The following AOAH variants were observed in gnomAD, a reference collection of about 807,000 sequenced individuals.
AOAH encodes the protein acyloxyacyl hydrolase (neutrophil).
A neutral mutation model predicts 92.2 loss-of-function variants in AOAH; 64 were observed. That is an observed-to-expected ratio of 0.69 (90% CI 0.57 to 0.86). The LOEUF is 0.86. Among genes scored for constraint, AOAH ranks in the 40% least tolerant of loss-of-function variants. The pLI is 0.00. For synonymous variants in AOAH, 263 were observed against 254.5 expected (o/e 1.03, Z -0.32); for missense variants, 656 against 694.6 (o/e 0.94, Z 0.62).
At chr7:36,569,240 C>T (rs1460509554) in intron 13 of AOAH, among the ~76,000 whole-genome samples, 1 of 152,068 alleles carries the variant, frequency 6.6e-6, no homozygotes, top group Admixed American at 6.5e-5. Flanking sequence ...GCTAAGCTTG[C>T]TAAAACAAAA....
rs142257555 is a variant in AOAH, at chr7:36,569,281, T to C, written c.1021+7293A>G. 3.3e-3 allele frequency among the ~76,000 whole-genome samples: 506 copies of C among 152,254 alleles called. 1 individual carries two copies. The highest frequency in any genetic ancestry group is 4.9e-3 in the Non-Finnish European group (332 of 68,018). On this transcript the variant is annotated intron_variant, in intron 13 of 20. Transcript: ENST00000617537. ...AAGGCTGCCAGTGAAAAAGACATTATATTCCAAGTGAGGAAAGTCTTGTCT... is the reference window on the plus strand; with the variant it reads ...AAGGCTGCCAGTGAAAAAGACATTACATTCCAAGTGAGGAAAGTCTTGTCT...
chr7:36,521,665 CCTTTT>C (rs1177867358), intron 20 of AOAH, among the ~76,000 whole-genome samples: 1 of 151,952 alleles, frequency 6.6e-6, no homozygotes, highest in Non-Finnish European at 1.5e-5. Flanking sequence ...TCATTTTCCT[CCTTTT>C]CTTTCTTCCT....
rs191126566 is a variant in AOAH, at chr7:36,648,083, C to T, written c.391-10173G>A. Among the ~76,000 whole-genome samples the T allele has an allele frequency of 6.5e-3, 989 of 152,160 alleles. 23 individuals are homozygous for T. Among genetic ancestry groups the T allele is most frequent in the Admixed American group, 0.057 (871 of 15,290 alleles). ...CTGACCTCAGGTGATCCTCCCGCCT[C>T]GACCTCCCAAAGTGCTGGGATTACA... On this transcript the variant is annotated intron_variant, in intron 4 of 20. Transcript: ENST00000617537.
intron 12 of AOAH, among the ~76,000 whole-genome samples, chr7:36,586,160 C>G (rs909703600): frequency 3.3e-5 from 5 of 152,068 alleles, no homozygotes; most frequent in African/African-American, 9.7e-5. Context: ...CCTATCAATA[C>G]AAGTATGCTG....
At chr7:36,535,114 CTG>C (rs1234210435) in intron 16 of AOAH, among the ~76,000 whole-genome samples, 2 of 138,164 alleles carry the variant, frequency 1.4e-5, no homozygotes, top group Non-Finnish European at 3.2e-5. Context: ...GTGTCTGTGT[CTG>C]TGTGTGTATG....
At chr7:36,530,350 C>T in intron 19 of AOAH, 68 bp downstream of exon 19, 1 of 1,142,992 alleles carries the variant, frequency 8.7e-7, no homozygotes, top group Non-Finnish European at 1.3e-6. Context: ...AAGTATAAAA[C>T]CAGTTGCCCA....
chr7:36,542,767 C>T (rs1021195112), intron 15 of AOAH, among the ~76,000 whole-genome samples: 1 of 152,126 alleles, frequency 6.6e-6, no homozygotes, highest in African/African-American at 2.4e-5. Flanking sequence ...ATGGTACACC[C>T]ATGCAATAGA....
chr7:36,515,624 A>AC (rs1190721124), intron 20 of AOAH, among the ~76,000 whole-genome samples: 6 of 99,582 alleles, frequency 6.0e-5, no homozygotes, highest in African/African-American at 8.1e-5. Flanking sequence ...CCACACACAT[A>AC]ATCACACACA....
intron 1 of AOAH, among the ~76,000 whole-genome samples, chr7:36,696,312 C>T (rs936164639): frequency 2.0e-5 from 3 of 152,280 alleles, no homozygotes; most frequent in Middle Eastern, 3.4e-3. Flanking sequence ...TCTACAAAAA[C>T]TCCTATTAGG....
chr7:36,596,081 T>C (rs193293788), intron 11 of AOAH, among the ~76,000 whole-genome samples: 221 of 152,336 alleles, frequency 1.5e-3, no homozygotes, highest in African/African-American at 5.0e-3. Flanking sequence ...AAGTATGTCA[T>C]TGTTCTTTCT....
chr7:36,678,526 C>T (rs1177782954), intron 2 of AOAH, among the ~76,000 whole-genome samples: 2 of 146,948 alleles, frequency 1.4e-5, no homozygotes, highest in African/African-American at 5.0e-5. Flanking sequence ...AGAGAAAATT[C>T]ATCTTCTTTC....
intron 13 of AOAH, among the ~76,000 whole-genome samples, chr7:36,574,772 A>G (rs1039823003): frequency 3.9e-5 from 6 of 152,212 alleles, no homozygotes; most frequent in African/African-American, 9.7e-5. Flanking sequence ...AGAAAAGCGG[A>G]AAAAAATGAA....
chr7:36,569,496 T>TCTATCTATCTATCTAC (rs1554288999), intron 13 of AOAH, among the ~76,000 whole-genome samples: 8 of 151,762 alleles, frequency 5.3e-5, no homozygotes, highest in Non-Finnish European at 7.4e-5. Flanking sequence ...TATCTATCTA[T>TCTATCTATCTATCTAC]CTATCTATCT....
At chr7:36,626,405 T>C (rs1792668576) in intron 6 of AOAH, among the ~76,000 whole-genome samples, 1 of 152,212 alleles carries the variant, frequency 6.6e-6, no homozygotes, top group Admixed American at 6.5e-5. Context: ...CTGCTTACTT[T>C]AAAGGCCCCA....
intron 19 of AOAH, among the ~76,000 whole-genome samples, chr7:36,529,467 GT>G (rs1308284721): frequency 1.3e-5 from 2 of 152,168 alleles, no homozygotes; most frequent in African/African-American, 4.8e-5. Context: ...GACCAGTCTT[GT>G]TGAAAGGATG....
chr7:36,706,248 C>T (rs1307955724), intron 1 of AOAH, among the ~76,000 whole-genome samples: 1 of 152,226 alleles, frequency 6.6e-6, no homozygotes, highest in Non-Finnish European at 1.5e-5. Flanking sequence ...GTGTTAGAGA[C>T]ATGAAAATAA....
chr7:36,573,370 C>G (rs1238659765), intron 13 of AOAH, among the ~76,000 whole-genome samples: 2 of 152,176 alleles, frequency 1.3e-5, no homozygotes, highest in East Asian at 1.9e-4. Flanking sequence ...TTCCTAACCC[C>G]TGCACCAGAG....
chr7:36,574,615 C>A (rs764067819), intron 13 of AOAH, among the ~76,000 whole-genome samples: 4 of 152,298 alleles, frequency 2.6e-5, no homozygotes, highest in South Asian at 4.1e-4. Context: ...GCCTGCATTT[C>A]TGGCAGAATC....
chr7:36,628,637 A>G (rs1363282007), intron 6 of AOAH, among the ~76,000 whole-genome samples: 3 of 152,218 alleles, frequency 2.0e-5, no homozygotes, highest in Non-Finnish European at 2.9e-5. Context: ...GGGCTGTGCA[A>G]GCGACTGAAA....
Sources: allele counts gnomAD v4.1 joint callset (sites outside exome capture counted in the v4.1 genomes callset), GRCh38; gene constraint gnomAD v4.1.1; transcripts MANE v1.5; gene names NCBI Gene and HGNC (gene_info 2026-07-23, HGNC 2026-07-21).